The following MSRA variants were observed in gnomAD, a reference collection of about 807,000 sequenced individuals.
MSRA encodes methionine sulfoxide reductase A.
In MSRA, 54 loss-of-function variants were observed where a neutral mutation model predicts 31.3. The observed-to-expected ratio is 1.73, with a 90% CI of 1.39 to 2.17. MSRA has a LOEUF of 2.17. MSRA is among the 30% of genes most tolerant of loss of function. The pLI is 0.00. For missense variants in MSRA, 507 were observed against 300.9 expected (o/e 1.69, Z -5.07); for synonymous variants, 169 against 116.5 (o/e 1.45, Z -2.90).
chr8:10,108,967 T>A (rs1435402481), intron 1 of MSRA, among the ~76,000 whole-genome samples: 1 of 152,210 alleles, frequency 6.6e-6, no homozygotes, highest in Non-Finnish European at 1.5e-5. Flanking sequence ...TCTGATGGAT[T>A]TCCTCCCTAC....
intron 5 of MSRA, among the ~76,000 whole-genome samples, chr8:10,357,024 C>G (rs772834194): frequency 6.6e-6 from 1 of 152,000 alleles, no homozygotes; most frequent in Non-Finnish European, 1.5e-5. Context: ...TCAGCAGTTC[C>G]TCTGTCTTTT....
intron 1 of MSRA, among the ~76,000 whole-genome samples, chr8:10,207,124 A>C (rs1809061852): frequency 6.6e-6 from 1 of 152,222 alleles, no homozygotes; most frequent in Non-Finnish European, 1.5e-5. Flanking sequence ...TCTATTGATC[A>C]CAGTTTGGGG....
intron 3 of MSRA, among the ~76,000 whole-genome samples, chr8:10,284,257 C>T (rs1376799129): frequency 3.3e-5 from 5 of 152,224 alleles, no homozygotes; most frequent in Non-Finnish European, 5.9e-5. Flanking sequence ...GGCACAATCT[C>T]GGCTCACTGC....
chr8:10,380,527 C>G (rs1328804825), intron 5 of MSRA, among the ~76,000 whole-genome samples: 1 of 152,138 alleles, frequency 6.6e-6, no homozygotes, highest in African/African-American at 2.4e-5. Flanking sequence ...GGGCAGTTAC[C>G]CTGGTTAGCC....
chr8:10,121,174 AGACTGTACCTT>A, intron 1 of MSRA, among the ~76,000 whole-genome samples: 1 of 152,202 alleles, frequency 6.6e-6, no homozygotes, highest in Non-Finnish European at 1.5e-5. Context: ...CAAAAAATTA[AGACTGTACCTT>A]GATGGTTTCT....
intron 1 of MSRA, among the ~76,000 whole-genome samples, chr8:10,110,002 C>T (rs1800164337): frequency 6.6e-6 from 1 of 152,088 alleles, no homozygotes; most frequent in Non-Finnish European, 1.5e-5. Flanking sequence ...GGCTGTATCA[C>T]CTCTTGTTCC....
chr8:10,127,233 G>A (rs767327897), intron 1 of MSRA, among the ~76,000 whole-genome samples: 1 of 152,072 alleles, frequency 6.6e-6, no homozygotes, highest in Non-Finnish European at 1.5e-5. Flanking sequence ...TTATTGGAAC[G>A]CTAAGCATGT....
At chr8:10,100,794 C>T (rs1041539536) in intron 1 of MSRA, among the ~76,000 whole-genome samples, 2 of 152,054 alleles carry the variant, frequency 1.3e-5, no homozygotes, top group South Asian at 2.1e-4. Context: ...CTGTATTGCA[C>T]GTTATCAGAG....
chr8:10,283,988 A>G (rs1451838817), intron 3 of MSRA, among the ~76,000 whole-genome samples: 1 of 151,354 alleles, frequency 6.6e-6, no homozygotes, highest in Non-Finnish European at 1.5e-5. Flanking sequence ...TTTTTGTATT[A>G]TGACTTCTTT....
At chr8:10,399,529 CTTCAGCCATAAG>C (rs1807311054) in intron 5 of MSRA, among the ~76,000 whole-genome samples, 1 of 152,182 alleles carries the variant, frequency 6.6e-6, no homozygotes, top group Admixed American at 6.5e-5. Context: ...ACCACTTTGC[CTTCAGCCATAAG>C]TAAAAACCCC....
chr8:10,203,141 C>G (rs1808648757), intron 1 of MSRA, among the ~76,000 whole-genome samples: 2 of 152,154 alleles, frequency 1.3e-5, no homozygotes. Flanking sequence ...CGCCAGGGAC[C>G]TCATGAGTGA....
At chr8:10,151,574 C>T (rs1015490375) in intron 1 of MSRA, among the ~76,000 whole-genome samples, 6 of 152,210 alleles carry the variant, frequency 3.9e-5, no homozygotes, top group Middle Eastern at 6.8e-3. Flanking sequence ...GGTGTGAACC[C>T]GGGAGGCGGA....
chr8:10,335,988 C>A (rs1803016257), intron 5 of MSRA, among the ~76,000 whole-genome samples: 2 of 152,156 alleles, frequency 1.3e-5, no homozygotes, highest in Non-Finnish European at 2.9e-5. Context: ...TCTTTCCATT[C>A]TGTCACTGGG....
At chr8:10,155,988 G>T (rs1444674629) in intron 1 of MSRA, among the ~76,000 whole-genome samples, 1 of 152,130 alleles carries the variant, frequency 6.6e-6, no homozygotes, top group Non-Finnish European at 1.5e-5. Context: ...GTAGAGATTG[G>T]CCGTGACCTT....
intron 5 of MSRA, among the ~76,000 whole-genome samples, chr8:10,372,096 A>G (rs529093232): frequency 3.0e-4 from 46 of 152,204 alleles, no homozygotes; most frequent in Non-Finnish European, 5.7e-4. Flanking sequence ...GTCTGGGATG[A>G]TAGAGCAGTG....
At chr8:10,210,717 G>T (rs945213817) in intron 2 of MSRA, among the ~76,000 whole-genome samples, 1 of 151,430 alleles carries the variant, frequency 6.6e-6, no homozygotes, top group Non-Finnish European at 1.5e-5. Context: ...TGATAAAATA[G>T]TATCACTAAT....
Position 10,428,369 on chromosome 8 carries a change from G to C in MSRA, c.*57G>C. ...CAGTAAAAATGCTTTCAACAAATTG[G>C]GCAATGCTTGTGTGATTCACAATCG... On this transcript the variant is annotated 3_prime_UTR_variant, in exon 6 of 6. Coordinates refer to ENST00000317173, the MANE Select transcript of MSRA (RefSeq NM_012331.5). The C allele has an allele frequency of 1.9e-6, 3 of 1,556,708 alleles. No individual in the cohort carries two copies. Among genetic ancestry groups the C allele is most frequent in the African/African-American group, 2.7e-5 (2 of 73,562 alleles).
chr8:10,272,949 T>C (rs1799124752), intron 3 of MSRA, among the ~76,000 whole-genome samples: 1 of 152,214 alleles, frequency 6.6e-6, no homozygotes, highest in Admixed American at 6.5e-5. Context: ...CATGTTTTAA[T>C]ATTCTAAATT....
chr8:10,221,890 A>G (rs1202620631), intron 2 of MSRA, among the ~76,000 whole-genome samples: 2 of 152,164 alleles, frequency 1.3e-5, no homozygotes, highest in African/African-American at 4.8e-5. Flanking sequence ...AAAGGCCCTG[A>G]GGCAGGAGTG....
Sources: allele counts gnomAD v4.1 joint callset (sites outside exome capture counted in the v4.1 genomes callset), GRCh38; gene constraint gnomAD v4.1.1; transcripts MANE v1.5; gene names NCBI Gene and HGNC (gene_info 2026-07-23, HGNC 2026-07-21).